Variants in NPY2R observed in about 807,000 individuals in gnomAD.
NPY2R encodes the protein neuropeptide Y receptor type 2.
In NPY2R, 17 loss-of-function variants were observed where a neutral mutation model predicts 22.3. The ratio of observed to expected loss-of-function variants is 0.76; its 90% confidence interval spans 0.52 to 1.14. NPY2R has a LOEUF of 1.14. Among genes scored for constraint, NPY2R ranks in the 50% most tolerant of loss-of-function variants. The pLI is 0.00. For synonymous variants in NPY2R, 209 were observed against 183.4 expected (o/e 1.14, Z -1.13); for missense variants, 424 against 467.9 (o/e 0.91, Z 0.87).
chr4:155,209,392 T>C (rs1419389808), intron 1 of NPY2R, among the ~76,000 whole-genome samples: 4 of 152,244 alleles, frequency 2.6e-5, no homozygotes, highest in African/African-American at 4.8e-5. Flanking sequence ...GAAGGTCCTA[T>C]TGGATTCTCC....
rs147783618 is a variant in NPY2R at position 155,214,810 on chromosome 4, G to A, written c.871G>A (p.Val291Ile). 2.3e-5 allele frequency: 37 copies of A among 1,612,088 alleles called. No individual in the cohort carries two copies. The African/African-American group carries it at 2.7e-4, about 12-fold the overall frequency. The change falls in exon 2 of 2, where the codon GTT (valine) becomes ATT (isoleucine). Residue 291 changes from valine to isoleucine, a missense_variant. Val to Ile is a conservative substitution (Grantham distance 29). Transcript: ENST00000329476. ...WLPLHAFQLA[V>I]DIDSQVLDLK... ...GCCTCTCCATGCCTTCCAGCTTGCC[G>A]TTGACATTGACAGCCAGGTCCTGGA...
chr4:155,177,030 A>G, the NPY2R span, among the ~76,000 whole-genome samples: 8,505 of 152,162 alleles, frequency 0.056, 781 homozygotes, highest in African/African-American at 0.2. Context: ...TTAAGTGTTA[A>G]CACATGCATT....
At chr4:155,199,007 T>C in the NPY2R span, among the ~76,000 whole-genome samples, 1 of 152,020 alleles carries the variant, frequency 6.6e-6, no homozygotes, top group Non-Finnish European at 1.5e-5. Context: ...AGTAAACCAA[T>C]ACAAGAGTAA....
the NPY2R span, among the ~76,000 whole-genome samples, chr4:155,190,271 G>A: frequency 6.6e-6 from 1 of 152,126 alleles, no homozygotes; most frequent in East Asian, 1.9e-4. Context: ...TTAGTTGAGA[G>A]TGAGTTAGAT....
chr4:155,212,845 A>G (rs1729434492), intron 1 of NPY2R, among the ~76,000 whole-genome samples: 1 of 152,224 alleles, frequency 6.6e-6, no homozygotes, highest in Non-Finnish European at 1.5e-5. Flanking sequence ...TCAGAAGTTT[A>G]TTTAAGATCA....
chr4:155,192,095 A>T, the NPY2R span, among the ~76,000 whole-genome samples: 9 of 151,884 alleles, frequency 5.9e-5, no homozygotes, highest in Non-Finnish European at 1.2e-4. Flanking sequence ...AGGTAGGGGT[A>T]TCAGTGTTCA....
chr4:155,201,691 A>T, the NPY2R span, among the ~76,000 whole-genome samples: 44,672 of 151,944 alleles, frequency 0.29, 6,954 homozygotes, highest in East Asian at 0.52. Flanking sequence ...GGTTAAAGTG[A>T]CTTATTTAGT....
In NPY2R at chr4:155,214,526, C is replaced by A; in HGVS notation, c.587C>A (p.Pro196Gln). ...FREYSLIEII[P>Q]DFEIVACTEK... is the part of the protein sequence containing the mutation. ...GAGTATTCGCTGATTGAGATCATCC[C>A]GGACTTTGAGATTGTGGCCTGTACT... The change falls in exon 2 of 2, where the codon CCG (proline) becomes CAG (glutamine). Residue 196 changes from proline (P) to glutamine (Q), a missense_variant. Physicochemically the swap from Pro to Gln is moderately conservative, Grantham distance 76. Transcript: ENST00000329476. The A allele has an allele frequency of 6.2e-7, 1 of 1,614,156 alleles. No individual in the cohort carries two copies. The highest frequency in any genetic ancestry group is 8.5e-7 in the Non-Finnish European group (1 of 1,180,018).
At position 155,213,911 on chromosome 4, in the gene NPY2R, G is replaced by T. The variant is rs536462319; in HGVS notation, c.-29G>T. The T allele has an allele frequency of 1.9e-6, 3 of 1,590,404 alleles. No individual in the cohort carries two copies. The highest frequency in any genetic ancestry group is 2.6e-6 in the Non-Finnish European group (3 of 1,159,028). Reference sequence around the variant, plus strand: ...TTTTAGGTTGTAGACTCTTGTGCTGGTTGCAGGCCAAGTGGACCTGTACTG... The same window carrying T: ...TTTTAGGTTGTAGACTCTTGTGCTGTTTGCAGGCCAAGTGGACCTGTACTG... On this transcript the variant is annotated 5_prime_UTR_variant, in exon 2 of 2. Transcript: ENST00000329476.
chr4:155,183,948 A>G, the NPY2R span, among the ~76,000 whole-genome samples: 1 of 152,210 alleles, frequency 6.6e-6, no homozygotes, highest in Non-Finnish European at 1.5e-5. Context: ...GACAACTGTA[A>G]GTTCCATCCT....
intron 1 of NPY2R, among the ~76,000 whole-genome samples, chr4:155,211,107 C>G (rs1729395528): frequency 6.6e-6 from 1 of 152,132 alleles, no homozygotes; most frequent in Non-Finnish European, 1.5e-5. Flanking sequence ...TTATACTTTC[C>G]ATTTGGCTGA....
chr4:155,215,983 AT>A lies in NPY2R; in HGVS notation c.*903del, dbSNP rs1729506875. 2 of 167,162 alleles carry A rather than the reference AT, an allele frequency of 1.2e-5. No individual in the cohort carries two copies. Among genetic ancestry groups the A allele is most frequent in the African/African-American group, 2.4e-5 (1 of 41,566 alleles). 10.4% of individuals were successfully genotyped at this position (167,162 alleles called of 1,614,324 possible). ...AAAATTTAAATCAGACTAGAGAATA[AT>A]TTTTGTGGCATGTTGTAACATTTCA... On this transcript the variant is annotated 3_prime_UTR_variant, in exon 2 of 2. Transcript: ENST00000329476.
At chr4:155,196,561 T>C in the NPY2R span, among the ~76,000 whole-genome samples, 1 of 151,798 alleles carries the variant, frequency 6.6e-6, no homozygotes, top group Non-Finnish European at 1.5e-5. Flanking sequence ...TGTCTTTTTG[T>C]GGATAGGATT....
the NPY2R span, among the ~76,000 whole-genome samples, chr4:155,195,961 G>T: frequency 6.6e-6 from 1 of 152,022 alleles, no homozygotes; most frequent in Admixed American, 6.6e-5. Context: ...GTGTAGAATG[G>T]ATTCCAGAAA....
At chr4:155,184,581 G>A in the NPY2R span, among the ~76,000 whole-genome samples, 1 of 152,146 alleles carries the variant, frequency 6.6e-6, no homozygotes, top group Non-Finnish European at 1.5e-5. Flanking sequence ...AATGACCCAT[G>A]AAGCTGGGGC....
At position 155,209,890 on chromosome 4, in the gene NPY2R, G is replaced by A. The variant is rs925349766; in HGVS notation, c.-49+821G>A. Among the ~76,000 whole-genome samples, 7 of 152,176 alleles carry A rather than the reference G, an allele frequency of 4.6e-5. No homozygotes were observed. In the East Asian group the frequency reaches 9.7e-4, roughly 21 times the overall value. ...ACAGATTTAAACATCTCTCCTCAAA[G>A]CATGAACTGGTCTCTGACTCAAATA... On this transcript the variant is annotated intron_variant, in intron 1 of 1. Transcript: ENST00000329476.
At chr4:155,174,478 ATATATAT>A in the NPY2R span, among the ~76,000 whole-genome samples, 14 of 88,746 alleles carry the variant, frequency 1.6e-4, no homozygotes, top group Admixed American at 8.9e-4. Flanking sequence ...ATATATATAT[ATATATAT>A]TTTTTTTTTT....
Position 155,214,089 on chromosome 4 carries a change from A to T in NPY2R, c.150A>T (p.Gln50His). The T allele has an allele frequency of 6.2e-7, 1 of 1,614,016 alleles. No individual in the cohort carries two copies. The highest frequency in any genetic ancestry group is 8.5e-7 in the Non-Finnish European group (1 of 1,179,916). ...ATAGTACCAAGCTGATTGAGGTACA[A>T]GTTGTTCTCATATTGGCCTACTGCT... ...LIDSTKLIEV[Q>H]VVLILAYCSI... The change falls in exon 2 of 2, where the codon CAA becomes CAT. Residue 50 changes from glutamine to histidine, a missense_variant. By Grantham distance (24) the Gln-to-His change is conservative. Transcript: ENST00000329476.
the NPY2R span, among the ~76,000 whole-genome samples, chr4:155,183,296 T>C: frequency 6.6e-6 from 1 of 152,176 alleles, no homozygotes; most frequent in Non-Finnish European, 1.5e-5. Flanking sequence ...TCCATTTCAG[T>C]GCACATTTAT....
Sources: gnomAD v4.1 joint callset for allele counts (sites outside exome capture counted in the v4.1 genomes callset) on GRCh38, gnomAD v4.1.1 for gene constraint, MANE v1.5 for transcripts, NCBI Gene and HGNC (gene_info 2026-07-23, HGNC 2026-07-21) for gene names.